The following HERC1 variants were observed in gnomAD, a reference collection of about 807,000 sequenced individuals.
HERC1 encodes the protein probable E3 ubiquitin-protein ligase HERC1.
HERC1 carries 160 observed loss-of-function variants against 554.3 expected under a neutral mutation model. The ratio of observed to expected loss-of-function variants is 0.29; its 90% confidence interval spans 0.25 to 0.33. The LOEUF (loss-of-function observed/expected upper bound fraction) is 0.33. Among genes scored for constraint, HERC1 ranks in the 10% least tolerant of loss-of-function variants. The probability of loss-of-function intolerance (pLI) is 1.00; values close to 1 mark genes in which losing one functional copy is unlikely to be tolerated. For missense variants in HERC1, 4,919 were observed against 5,918.5 expected, an observed-to-expected ratio of 0.83 and a Z score of 5.54; for synonymous variants, 2,175 against 2,131.7, an observed-to-expected ratio of 1.02 and a Z score of -0.56.
intron 1 of HERC1, among the ~76,000 whole-genome samples, chr15:63,818,936 C>T (rs1003568821): frequency 7.2e-5 from 11 of 152,160 alleles, no homozygotes; most frequent in Non-Finnish European, 1.2e-4. Context: ...TATAGTGCTG[C>T]CATTAGAATT....
chr15:63,716,545 T>C, intron 21 of HERC1, 72 bp from the exon 22 acceptor site: 1 of 1,244,126 alleles, frequency 8.0e-7, no homozygotes, highest in Non-Finnish European at 1.1e-6. Flanking sequence ...AAAAAACCTT[T>C]AATTTTTTAT....
intron 1 of HERC1, among the ~76,000 whole-genome samples, chr15:63,782,885 C>T (rs2076327001): frequency 6.6e-6 from 1 of 152,214 alleles, no homozygotes; most frequent in Non-Finnish European, 1.5e-5. Flanking sequence ...GAGGAAGTAA[C>T]TGCAGACGTG....
chr15:63,632,623 C>T (rs1277067206), intron 68 of HERC1, 86 bp downstream of exon 68: 3 of 874,502 alleles, frequency 3.4e-6, no homozygotes, highest in Non-Finnish European at 5.6e-6. Flanking sequence ...AAAAAAAGGA[C>T]TCAATTTAGA....
intron 8 of HERC1, among the ~76,000 whole-genome samples, chr15:63,751,382 T>C (rs1049000560): frequency 6.6e-6 from 1 of 152,232 alleles, no homozygotes; most frequent in Non-Finnish European, 1.5e-5. Context: ...TCTAGGTTTG[T>C]GTGGTACTCT....
chr15:63,696,098 T>C (rs574504601), intron 27 of HERC1, 26 bp downstream of exon 27: 2 of 1,499,578 alleles, frequency 1.3e-6, no homozygotes, highest in African/African-American at 2.7e-5. Context: ...AGTTAAAATC[T>C]GTATATACTG....
rs1297456116 is a variant in HERC1, at chr15:63,706,770, T to C, written c.4636+10A>G. ...AAGATATTTACTATGTTCTTAATAC[T>C]TACACTTACCTCTCTTTCTGTGAGA... On this transcript the variant is annotated intron_variant, in intron 25 of 77. Transcript: ENST00000443617. 75 of 1,509,364 alleles carry C rather than the reference T, an allele frequency of 5.0e-5. No homozygotes were observed. The highest frequency in any genetic ancestry group is 6.7e-5 in the Non-Finnish European group (74 of 1,111,810). The allele number at this position is 1,509,364 out of a possible 1,614,324, so 93.5% of individuals were successfully genotyped here. A position where few individuals can be genotyped will look rare whatever the true frequency, so the allele number is the denominator to read the frequency against.
At chr15:63,732,893 CT>C in intron 14 of HERC1, 30 bp downstream of exon 14, 3 of 1,423,416 alleles carry the variant, frequency 2.1e-6, no homozygotes, top group Non-Finnish European at 3.0e-6. Context: ...CCCCTTTATT[CT>C]TTTTTTACTA....
At chr15:63,632,443 A>C in intron 68 of HERC1, 1 of 492,812 alleles carries the variant, frequency 2.0e-6, no homozygotes, top group Non-Finnish European at 3.7e-6. Context: ...GGGCAGTAGA[A>C]AAGAAGAGGG....
chr15:63,640,982 C>T (rs901916563), intron 60 of HERC1, among the ~76,000 whole-genome samples: 16 of 152,292 alleles, frequency 1.1e-4, no homozygotes, highest in African/African-American at 2.9e-4. Flanking sequence ...CAAGTTCAAA[C>T]GCTGCAATTC....
At position 63,718,904 on chromosome 15, in the gene HERC1, A is replaced by G. The variant is rs1400628474; in HGVS notation, c.3743-7T>C. 1 of 1,571,176 alleles carries G rather than the reference A, an allele frequency of 6.4e-7. No homozygotes were observed. Among genetic ancestry groups the G allele is most frequent in the Non-Finnish European group, 8.7e-7 (1 of 1,148,908 alleles). ...AAAGTTGCACTGTCCCAATCTGAAA[A>G]TAAAAATGATGCATTGACATTTAAA... is the stretch of plus-strand genomic sequence containing the variant. On this transcript the variant is annotated splice_region_variant and splice_polypyrimidine_tract_variant and intron_variant, in intron 19 of 77. Transcript: ENST00000443617. The surrounding 1 kb of genome is among the most constrained non-coding windows in gnomAD (Gnocchi z 4.2).
intron 34 of HERC1, among the ~76,000 whole-genome samples, chr15:63,683,372 T>C (rs2071583623): frequency 6.6e-6 from 1 of 152,136 alleles, no homozygotes; most frequent in African/African-American, 2.4e-5. Context: ...TTTTTCCTAT[T>C]GGAGTCTCTG....
intron 50 of HERC1, among the ~76,000 whole-genome samples, chr15:63,655,203 A>G (rs1419852968): frequency 1.3e-5 from 2 of 151,180 alleles, no homozygotes; most frequent in African/African-American, 4.9e-5. Context: ...AAAATAGAAA[A>G]ATTAGCCGGG....
chr15:63,677,951 G>A lies in HERC1; in HGVS notation c.6964C>T (p.Arg2322Trp), dbSNP rs1187965536. The stretch of plus-strand genomic sequence containing the variant: ...CGCCCAGTTTGCTTGTGAACACACC[G>A]ACCTCCAACTCTAAGACCAGCATCA... Reference protein sequence around the residue: ...GVDAGLRVGGRCVHKQTGRHA... With the variant: ...GVDAGLRVGGWCVHKQTGRHA... Residue 2322 changes from arginine (R) to tryptophan (W), a missense_variant, in exon 37 of 78, where the codon CGG becomes TGG. By Grantham distance (101) the Arg-to-Trp change is moderately radical. This residue lies in a region of HERC1 where 1,963 missense variants were observed against 2,228.6 expected (regional missense o/e 0.88). Transcript: ENST00000443617. This position sits in a 1 kb window ranked among gnomAD's most constrained non-coding sequence, Gnocchi z 4.4. 9 of 1,613,796 alleles carry A rather than the reference G, an allele frequency of 5.6e-6. No individual in the cohort carries two copies. The highest frequency in any genetic ancestry group is 2.2e-5 in the East Asian group (1 of 44,890).
chr15:63,737,516 GATAT>G (rs754808106), intron 12 of HERC1, among the ~76,000 whole-genome samples: 899 of 46,434 alleles, frequency 0.019, 167 homozygotes, highest in African/African-American at 0.071. Context: ...CTTTTTTCCA[GATAT>G]ATATATATAT....
rs2071096253 is a variant in HERC1, at chr15:63,674,438, A to G, written c.7750T>C (p.Leu2584=). The G allele has an allele frequency of 6.2e-7, 1 of 1,613,894 alleles. No homozygotes were observed. The highest frequency in any genetic ancestry group is 1.3e-5 in the African/African-American group (1 of 75,016). ...GCTCGTTCCAGATCAGCTAATCCCA[A>G]TGCTCTCTTTATGGGTGACCGCATG... ...AVMRSPIKRA[L]GLADLERAQA... The change falls in exon 38 of 78, where the codon TTG becomes CTG. Residue 2584 remains leucine (L), a synonymous_variant. Transcript: ENST00000443617.
chr15:63,714,543 CTG>C (rs2073451420), intron 22 of HERC1, among the ~76,000 whole-genome samples: 1 of 113,016 alleles, frequency 8.8e-6, no homozygotes, highest in African/African-American at 3.3e-5. Context: ...TTTCCTTTTT[CTG>C]TTTTTTTTTT....
chr15:63,745,922 A>G (rs2075038111), intron 12 of HERC1, among the ~76,000 whole-genome samples: 1 of 151,782 alleles, frequency 6.6e-6, no homozygotes, highest in African/African-American at 2.4e-5. Context: ...GTCCTCTCTC[A>G]TTTTTCTTGG....
chr15:63,630,290 C>A (rs1394328208), intron 69 of HERC1, among the ~76,000 whole-genome samples, 176 bp downstream of exon 69: 2 of 152,156 alleles, frequency 1.3e-5, no homozygotes, highest in Non-Finnish European at 2.9e-5. Flanking sequence ...CTTCTTTGGC[C>A]GCAGTCGAGA....
intron 67 of HERC1, 71 bp from the exon 68 acceptor site, chr15:63,632,882 ATG>A: frequency 3.9e-6 from 4 of 1,035,608 alleles, no homozygotes; most frequent in Non-Finnish European, 5.7e-6. Flanking sequence ...GCCTAATGGC[ATG>A]TATCAAGAAC....
Sources: allele counts gnomAD v4.1 joint callset (sites outside exome capture counted in the v4.1 genomes callset), GRCh38; gene constraint gnomAD v4.1.1; regional missense constraint gnomAD v4.1.1; non-coding constraint Gnocchi (gnomAD v3.1); transcripts MANE v1.5; gene names NCBI Gene and HGNC (gene_info 2026-07-23, HGNC 2026-07-21).